The following SPATA4 variants were observed in gnomAD, a reference collection of about 807,000 sequenced individuals.
The protein encoded by SPATA4 is spermatogenesis associated 4.
Under a neutral mutation model 31.8 loss-of-function variants are expected in SPATA4, and 35 were observed. That is an observed-to-expected ratio of 1.10 (90% CI 0.84 to 1.46). The LOEUF is 1.46. SPATA4 is among the 40% of genes most tolerant of loss of function. SPATA4 has a pLI of 0.00. For missense variants in SPATA4, 394 were observed against 363.1 expected, an observed-to-expected ratio of 1.09 and a Z score of -0.69; for synonymous variants, 126 against 132.4, an observed-to-expected ratio of 0.95 and a Z score of 0.33.
chr4:176,191,927 C>T (rs555833377), intron 4 of SPATA4, among the ~76,000 whole-genome samples: 1 of 152,336 alleles, frequency 6.6e-6, no homozygotes, highest in African/African-American at 2.4e-5. Context: ...TGACCTACAT[C>T]TGCCTCTTTT....
chr4:176,195,221 G>C (rs1475411997), intron 1 of SPATA4, 124 bp downstream of exon 1: 2 of 781,982 alleles, frequency 2.6e-6, no homozygotes, highest in East Asian at 2.5e-5. Flanking sequence ...GTGTGTGTAC[G>C]TGGGTGGGGG....
intron 4 of SPATA4, among the ~76,000 whole-genome samples, chr4:176,189,358 A>G (rs911122127): frequency 2.0e-5 from 3 of 152,092 alleles, no homozygotes; most frequent in Non-Finnish European, 4.4e-5. Flanking sequence ...AAGAGTAGAG[A>G]TTTAAAATGT....
intron 5 of SPATA4, among the ~76,000 whole-genome samples, chr4:176,186,508 G>A (rs900449275): frequency 6.6e-6 from 1 of 152,190 alleles, no homozygotes; most frequent in Non-Finnish European, 1.5e-5. Context: ...CTGAAGGAGA[G>A]GATATATTCC....
intron 5 of SPATA4, among the ~76,000 whole-genome samples, chr4:176,186,080 T>C (rs1752436920): frequency 6.6e-6 from 1 of 152,250 alleles, no homozygotes; most frequent in Admixed American, 6.5e-5. Context: ...AATGATAGCA[T>C]GTAGTTTTTC....
At position 176,188,177 on chromosome 4, in the gene SPATA4, T is replaced by C; in HGVS notation, c.747A>G (p.Gln249=). The C allele has an allele frequency of 6.2e-7, 1 of 1,613,674 alleles. No individual in the cohort carries two copies. Among genetic ancestry groups the C allele is most frequent in the Middle Eastern group, 1.6e-4 (1 of 6,062 alleles). The change falls in exon 5 of 6, where the codon CAA becomes CAG. Residue 249 remains glutamine, a synonymous_variant. Transcript: ENST00000280191. The part of the protein sequence containing the change: ...GEVTLNHLPA[Q]ASGRRYNLKV... ...TTAAATTATATCTGCGCCCAGAGGC[T>C]TGGGCAGGAAGGTGATTGAGAGTAA...
chr4:176,187,658 G>T (rs1211777605), intron 5 of SPATA4, among the ~76,000 whole-genome samples: 16 of 152,106 alleles, frequency 1.1e-4, no homozygotes, highest in Admixed American at 1.0e-3. Context: ...ACAAAAACAG[G>T]CAACAGGCTG....
Position 176,188,492 on chromosome 4 carries a change from T to C in SPATA4, c.689-257A>G, listed in dbSNP as rs7677208. 2.2e-3 allele frequency among the ~76,000 whole-genome samples: 330 copies of C among 152,238 alleles called. 3 individuals are homozygous for C. The highest frequency in any genetic ancestry group is 7.6e-3 in the African/African-American group (317 of 41,554). On this transcript the variant is annotated intron_variant, in intron 4 of 5. Coordinates refer to ENST00000280191, the MANE Select transcript of SPATA4 (RefSeq NM_144644.4). ...AGTTTTTATTCAATTATAATGTATATACAAAAAGGTAAACAAACAGTAAGT... is the reference window on the plus strand; with the variant it reads ...AGTTTTTATTCAATTATAATGTATACACAAAAAGGTAAACAAACAGTAAGT...
chr4:176,190,206 ACTT>A (rs1283705403), intron 4 of SPATA4, among the ~76,000 whole-genome samples: 4 of 151,914 alleles, frequency 2.6e-5, no homozygotes, highest in Non-Finnish European at 4.4e-5. Context: ...TTTAGTTTTT[ACTT>A]CTTCTTTCTT....
Position 176,184,747 on chromosome 4 carries a change from A to G in SPATA4, c.*33T>C. On this transcript the variant is annotated 3_prime_UTR_variant, in exon 6 of 6. Coordinates refer to ENST00000280191, the MANE Select transcript of SPATA4 (RefSeq NM_144644.4). ...CTTTATTATGGCTAGAGATGGTGGC[A>G]TCACTTCTTCAAAGCCATTTGACAG... is the stretch of plus-strand genomic sequence containing the variant. The G allele has an allele frequency of 7.5e-7, 1 of 1,330,636 alleles. No individual in the cohort carries two copies. The highest frequency in any genetic ancestry group is 1.1e-6 in the Non-Finnish European group (1 of 948,268). The allele number at this position is 1,330,636 out of a possible 1,614,324, so 82.4% of individuals were successfully genotyped here.
intron 2 of SPATA4, 136 bp from the exon 3 acceptor site, chr4:176,193,212 T>C (rs1752560741): frequency 1.3e-6 from 1 of 767,118 alleles, no homozygotes; most frequent in Non-Finnish European, 2.1e-6. Flanking sequence ...TATTAAAAGA[T>C]AATATTCAGC....
At chr4:176,187,518 C>A (rs1029172916) in intron 5 of SPATA4, among the ~76,000 whole-genome samples, 3 of 151,954 alleles carry the variant, frequency 2.0e-5, no homozygotes, top group African/African-American at 4.8e-5. Flanking sequence ...TCAGGAGAAT[C>A]GCTTGAACCC....
At chr4:176,191,337 G>A (rs1399358832) in intron 4 of SPATA4, among the ~76,000 whole-genome samples, 3 of 152,054 alleles carry the variant, frequency 2.0e-5, no homozygotes, top group East Asian at 3.9e-4. Context: ...CTCGTGATCC[G>A]CCTGCCTTGG....
intron 1 of SPATA4, 134 bp downstream of exon 1, chr4:176,195,211 G>GT: frequency 2.9e-6 from 2 of 700,794 alleles, no homozygotes; most frequent in Non-Finnish European, 4.9e-6. Context: ...TAGTGTTTTC[G>GT]TGTGTGTACG....
chr4:176,192,456 A>C (rs562614447), intron 4 of SPATA4, among the ~76,000 whole-genome samples, 171 bp downstream of exon 4: 1 of 152,338 alleles, frequency 6.6e-6, no homozygotes, highest in African/African-American at 2.4e-5. Context: ...TGATTTATAA[A>C]CCACTCCAAT....
In SPATA4 at chr4:176,192,706, C is replaced by G; in HGVS notation, c.609G>C (p.Met203Ile). 2 of 1,614,074 alleles carry G rather than the reference C, an allele frequency of 1.2e-6. No homozygotes were observed. The highest frequency in any genetic ancestry group is 1.7e-6 in the Non-Finnish European group (2 of 1,179,990). ...RLSELLSNPN[M>I]LTNELKAEFL... ...ACTCCGCTTTAAGTTCATTGGTCAG[C>G]ATGTTGGGATTGCTTAGTAATTCTG... The change falls in exon 4 of 6, where the codon ATG becomes ATC. Residue 203 changes from methionine (M) to isoleucine (I), a missense_variant. Coordinates refer to ENST00000280191, the MANE Select transcript of SPATA4 (RefSeq NM_144644.4).
intron 4 of SPATA4, 136 bp from the exon 5 acceptor site, chr4:176,188,371 G>A: frequency 1.7e-6 from 1 of 590,554 alleles, no homozygotes; most frequent in Non-Finnish European, 3.0e-6. Context: ...TGAATACCTA[G>A]GTTAATAGTC....
At chr4:176,189,840 C>G (rs1190005329) in intron 4 of SPATA4, among the ~76,000 whole-genome samples, 2 of 152,164 alleles carry the variant, frequency 1.3e-5, no homozygotes, top group Admixed American at 1.3e-4. Context: ...CAAAACCCCT[C>G]AGACACCAAG....
intron 4 of SPATA4, among the ~76,000 whole-genome samples, chr4:176,192,180 G>A (rs1451970942): frequency 6.6e-6 from 1 of 152,136 alleles, no homozygotes; most frequent in Non-Finnish European, 1.5e-5. Context: ...TGCCATGATT[G>A]CCCCAATCTG....
rs138432498 is a variant in SPATA4, at chr4:176,187,946, C to T, written c.805+173G>A. On this transcript the variant is annotated intron_variant, in intron 5 of 5. Transcript: ENST00000280191. ...GGGGAGGGGGCAGCGACTTAGCAGA[C>T]CACATGTTCCCTTCACTTATCATAA... 4.7e-3 allele frequency among the ~76,000 whole-genome samples: 710 copies of T among 152,270 alleles called. 7 individuals carry two copies. The highest frequency in any genetic ancestry group is 0.014 in the African/African-American group (599 of 41,546).
Sources: gnomAD v4.1 joint callset for allele counts (sites outside exome capture counted in the v4.1 genomes callset) on GRCh38, gnomAD v4.1.1 for gene constraint, MANE v1.5 for transcripts, NCBI Gene and HGNC (gene_info 2026-07-23, HGNC 2026-07-21) for gene names.